Variants in MSRA observed in about 807,000 individuals in gnomAD.
MSRA encodes the protein mitochondrial peptide methionine sulfoxide reductase.
A neutral mutation model predicts 31.3 loss-of-function variants in MSRA; 54 were observed. The ratio of observed to expected loss-of-function variants is 1.73; its 90% CI spans 1.39 to 2.17. The LOEUF (loss-of-function observed/expected upper bound fraction) is 2.17. Among genes scored for constraint, MSRA ranks in the 30% most tolerant of loss-of-function variants. The pLI, the probability that MSRA is intolerant of heterozygous loss-of-function variation, is 0.00. For synonymous variants in MSRA, 169 were observed against 116.5 expected (o/e 1.45, Z -2.90); for missense variants, 507 against 300.9 (o/e 1.69, Z -5.07).
At chr8:10,379,249 C>T (rs984052657) in intron 5 of MSRA, among the ~76,000 whole-genome samples, 1 of 152,036 alleles carries the variant, frequency 6.6e-6, no homozygotes, top group South Asian at 2.1e-4. Context: ...CTGCCCAATG[C>T]CTAACCTTCC....
chr8:10,394,374 C>T (rs1192883434), intron 5 of MSRA, among the ~76,000 whole-genome samples: 2 of 152,212 alleles, frequency 1.3e-5, no homozygotes, highest in East Asian at 3.9e-4. Flanking sequence ...CTAGCCACCC[C>T]ACCCCAGCTT....
chr8:10,409,168 C>A (rs1808003766), intron 5 of MSRA, among the ~76,000 whole-genome samples: 2 of 152,224 alleles, frequency 1.3e-5, no homozygotes, highest in Non-Finnish European at 2.9e-5. Context: ...AGGTTGTGCT[C>A]ATTTACATTC....
chr8:10,290,642 A>C (rs1052673064), intron 3 of MSRA, among the ~76,000 whole-genome samples: 2 of 152,134 alleles, frequency 1.3e-5, no homozygotes, highest in Non-Finnish European at 2.9e-5. Context: ...AGTATGTTTC[A>C]GAGTTCCACA....
At chr8:10,219,238 A>C (rs1259400072) in intron 2 of MSRA, among the ~76,000 whole-genome samples, 2 of 152,180 alleles carry the variant, frequency 1.3e-5, no homozygotes, top group African/African-American at 4.8e-5. Context: ...GCGCTTTTTC[A>C]CGCCTCTGCT....
At chr8:10,197,104 A>G (rs1418797514) in intron 1 of MSRA, among the ~76,000 whole-genome samples, 1 of 152,226 alleles carries the variant, frequency 6.6e-6, no homozygotes, top group African/African-American at 2.4e-5. Flanking sequence ...ACAGATTTTA[A>G]TCCTTAAAAT....
intron 5 of MSRA, among the ~76,000 whole-genome samples, chr8:10,392,698 T>C (rs1444406273): frequency 6.7e-6 from 1 of 148,756 alleles, no homozygotes. Flanking sequence ...TTTTTTTAAA[T>C]CTATGATATT....
At chr8:10,061,535 T>C (rs1164045959) in intron 1 of MSRA, among the ~76,000 whole-genome samples, 1 of 152,152 alleles carries the variant, frequency 6.6e-6, no homozygotes, top group African/African-American at 2.4e-5. Context: ...ACTCGCACAA[T>C]CTGTCTCATC....
At chr8:10,301,689 GA>G (rs1563327183) in intron 4 of MSRA, 51 bp downstream of exon 4, 3 of 1,428,372 alleles carry the variant, frequency 2.1e-6, no homozygotes, top group Non-Finnish European at 3.0e-6. Context: ...TTACAGCTGG[GA>G]TAATTAGTGT....
At chr8:10,402,108 A>G (rs1228473523) in intron 5 of MSRA, among the ~76,000 whole-genome samples, 1 of 152,228 alleles carries the variant, frequency 6.6e-6, no homozygotes, top group Non-Finnish European at 1.5e-5. Flanking sequence ...GCAGACCCTG[A>G]GCATTGGGTT....
At chr8:10,141,069 G>A (rs1802663428) in intron 1 of MSRA, among the ~76,000 whole-genome samples, 1 of 152,124 alleles carries the variant, frequency 6.6e-6, no homozygotes, top group African/African-American at 2.4e-5. Context: ...GTTGTAGAGG[G>A]CCTGTTCTGT....
At position 10,054,695 on chromosome 8, in the gene MSRA, G is replaced by C. The variant is rs951206004; in HGVS notation, c.142+37G>C. 4.7e-6 allele frequency: 7 copies of C among 1,480,196 alleles called. No homozygotes were observed. The East Asian group carries it at 2.0e-4, about 41-fold the overall frequency. The allele number at this position is 1,480,196 out of a possible 1,614,324, so 91.7% of individuals were successfully genotyped here. On this transcript the variant is annotated intron_variant, in intron 1 of 5. Transcript: ENST00000317173. ...CCACACGGAAGGCGCGGGCGGCGAC[G>C]CTGCGCATGCGCGCCTTTGCCCGGC...
At chr8:10,142,061 C>T (rs1449505638) in intron 1 of MSRA, among the ~76,000 whole-genome samples, 2 of 152,156 alleles carry the variant, frequency 1.3e-5, no homozygotes, top group African/African-American at 4.8e-5. Context: ...TGGGTTCAAG[C>T]GATTCTCCTG....
chr8:10,101,336 A>G (rs1003924523), intron 1 of MSRA, among the ~76,000 whole-genome samples: 1 of 152,186 alleles, frequency 6.6e-6, no homozygotes, highest in South Asian at 2.1e-4. Context: ...GATATTATTT[A>G]TGTTTTACAA....
chr8:10,300,148 G>GTGTGTGTT lies in MSRA; in HGVS notation c.332-1384_332-1383insTGTGTTTG, dbSNP rs1283206786. Among the ~76,000 whole-genome samples, 717 of 152,138 alleles carry GTGTGTGTT rather than the reference G, an allele frequency of 4.7e-3. 4 individuals carry two copies. The highest frequency in any genetic ancestry group is 0.016 in the African/African-American group (681 of 41,484). The stretch of plus-strand genomic sequence containing the variant: ...TTTGTGTGTGTGTGTGTGTGTGTGT[G>GTGTGTGTT]TGCACGCGTGCATGCACACATCTGG... On this transcript the variant is annotated intron_variant, in intron 3 of 5. Coordinates refer to ENST00000317173, the MANE Select transcript of MSRA (RefSeq NM_012331.5).
chr8:10,113,287 G>GTTTTTTTTT (rs1412167930), intron 1 of MSRA, among the ~76,000 whole-genome samples: 4 of 6,304 alleles, frequency 6.3e-4, no homozygotes, highest in East Asian at 4.3e-3. Flanking sequence ...GTGAAGACAG[G>GTTTTTTTTT]TCTTCTTTTT....
intron 2 of MSRA, among the ~76,000 whole-genome samples, chr8:10,236,214 C>A (rs555048685): frequency 6.6e-6 from 1 of 152,100 alleles, no homozygotes; most frequent in East Asian, 1.9e-4. Context: ...GACAAGGATT[C>A]CTAGCATTGT....
At chr8:10,152,347 G>T (rs1803763540) in intron 1 of MSRA, among the ~76,000 whole-genome samples, 1 of 152,304 alleles carries the variant, frequency 6.6e-6, no homozygotes, top group Admixed American at 6.5e-5. Context: ...GAAGGAGTTT[G>T]TTTTTATGAC....
chr8:10,351,890 T>C (rs1381666938), intron 5 of MSRA, among the ~76,000 whole-genome samples: 1 of 152,198 alleles, frequency 6.6e-6, no homozygotes, highest in Non-Finnish European at 1.5e-5. Flanking sequence ...GGCTATGAGG[T>C]GCTTCTCTGG....
intron 5 of MSRA, among the ~76,000 whole-genome samples, chr8:10,328,750 A>T (rs191025373): frequency 4.6e-5 from 7 of 152,344 alleles, no homozygotes; most frequent in Non-Finnish European, 1.0e-4. Context: ...TAAAGTTCAG[A>T]ACCTTTGAAT....
Sources: gnomAD v4.1 joint callset for allele counts (sites outside exome capture counted in the v4.1 genomes callset) on GRCh38, gnomAD v4.1.1 for gene constraint, MANE v1.5 for transcripts, NCBI Gene and HGNC (gene_info 2026-07-23, HGNC 2026-07-21) for gene names.